The following NBAS variants were observed in gnomAD, a reference collection of about 807,000 sequenced individuals.
The protein encoded by NBAS is NBAS subunit of NRZ tethering complex.
In NBAS, 219 loss-of-function variants were observed where a neutral mutation model predicts 302.5. That is an observed-to-expected ratio of 0.72 (90% confidence interval 0.65 to 0.81). The LOEUF is 0.81. Ranked by LOEUF, NBAS falls within the 30% of genes least tolerant of loss-of-function variation. The pLI, the probability that NBAS is intolerant of heterozygous loss-of-function variation, is 0.00. For synonymous variants in NBAS, 1,118 were observed against 1,021.6 expected (o/e 1.09, Z -1.80); for missense variants, 2,932 against 2,841.6 (o/e 1.03, Z -0.72).
chr2:14,941,137 C>T, the NBAS span, among the ~76,000 whole-genome samples: 1 of 152,188 alleles, frequency 6.6e-6, no homozygotes, highest in Non-Finnish European at 1.5e-5. Context: ...TCTGACAAAA[C>T]TTCCATTCAT....
intron 9 of NBAS, among the ~76,000 whole-genome samples, chr2:15,521,975 T>C (rs1307344061): frequency 6.6e-6 from 1 of 152,172 alleles, no homozygotes; most frequent in Non-Finnish European, 1.5e-5. Context: ...ACAGGAAGTG[T>C]GCTGACCGTT....
the NBAS span, among the ~76,000 whole-genome samples, chr2:15,047,553 T>TAA: frequency 6.6e-6 from 1 of 151,650 alleles, no homozygotes; most frequent in Non-Finnish European, 1.5e-5. Flanking sequence ...CCCATGCAGG[T>TAA]AAAGGCTGGG....
At chr2:15,525,524 G>A (rs772967851) in intron 9 of NBAS, among the ~76,000 whole-genome samples, 6 of 152,068 alleles carry the variant, frequency 3.9e-5, no homozygotes, top group East Asian at 1.9e-4. Context: ...AGAACCAACC[G>A]TAGTAGTGGT....
chr2:15,488,992 C>G lies in NBAS; in HGVS notation c.985G>C (p.Asp329His), dbSNP rs1680748170. Residue 329 changes from aspartate (D) to histidine (H), a missense_variant, in exon 12 of 52, where the codon GAT becomes CAT. Coordinates refer to ENST00000281513, the MANE Select transcript of NBAS (RefSeq NM_015909.4). ...DGIFKMSLSP[D>H]GMLLAAIHFS... ...TGAATGGCTGCCAGGAGCATCCCATCTGGAGAAAGGCTCATCTTAAAAATT... is the reference window on the plus strand; with the variant it reads ...TGAATGGCTGCCAGGAGCATCCCATGTGGAGAAAGGCTCATCTTAAAAATT... 6.2e-7 allele frequency: 1 copy of G among 1,613,644 alleles called. No individual in the cohort carries two copies. The highest frequency in any genetic ancestry group is 1.7e-5 in the Admixed American group (1 of 60,000).
the NBAS span, among the ~76,000 whole-genome samples, chr2:15,006,427 A>G: frequency 6.6e-6 from 1 of 152,210 alleles, no homozygotes; most frequent in Non-Finnish European, 1.5e-5. Context: ...TATTTAAGGC[A>G]TTATTATAAA....
At chr2:15,307,241 G>A (rs771426643) in intron 40 of NBAS, among the ~76,000 whole-genome samples, 12 of 152,310 alleles carry the variant, frequency 7.9e-5, no homozygotes, top group East Asian at 1.9e-4. Context: ...AATCTAAAAC[G>A]GGCTTTCCTA....
intron 28 of NBAS, among the ~76,000 whole-genome samples, chr2:15,389,919 A>G (rs547783669): frequency 6.6e-6 from 1 of 152,318 alleles, no homozygotes; most frequent in East Asian, 1.9e-4. Context: ...CAATCTAAGC[A>G]GAGACTTCTG....
intron 39 of NBAS, among the ~76,000 whole-genome samples, chr2:15,308,825 A>C (rs746267288): frequency 1.1e-4 from 17 of 152,146 alleles, no homozygotes; most frequent in Admixed American, 2.6e-4. Context: ...TTATTTTGAG[A>C]TACGTCTCAT....
At chr2:14,939,636 C>T in the NBAS span, among the ~76,000 whole-genome samples, 1 of 152,204 alleles carries the variant, frequency 6.6e-6, no homozygotes, top group African/African-American at 2.4e-5. Context: ...GCCTCCACTT[C>T]CCAATCTGCA....
At chr2:15,522,602 G>C (rs947516047) in intron 9 of NBAS, among the ~76,000 whole-genome samples, 1 of 152,156 alleles carries the variant, frequency 6.6e-6, no homozygotes, top group East Asian at 1.9e-4. Context: ...GTCTGGATAA[G>C]GCTGCCTATA....
the NBAS span, among the ~76,000 whole-genome samples, chr2:14,995,970 G>A: frequency 6.6e-6 from 1 of 151,356 alleles, no homozygotes; most frequent in African/African-American, 2.4e-5. Context: ...AGTACACACA[G>A]CTCTGTCTTA....
At chr2:15,217,872 AC>A (rs963218880) in intron 48 of NBAS, among the ~76,000 whole-genome samples, 4 of 152,232 alleles carry the variant, frequency 2.6e-5, no homozygotes, top group African/African-American at 9.6e-5. Context: ...GAAAAACAAA[AC>A]TTTTAACAGT....
intron 42 of NBAS, among the ~76,000 whole-genome samples, chr2:15,281,799 T>C (rs996405711): frequency 6.6e-6 from 1 of 152,196 alleles, no homozygotes; most frequent in Non-Finnish European, 1.5e-5. Context: ...CCTGTTTATG[T>C]TTTGTGCCAC....
At chr2:14,859,895 A>C in the NBAS span, among the ~76,000 whole-genome samples, 1 of 152,112 alleles carries the variant, frequency 6.6e-6, no homozygotes. Context: ...TAAAGACATA[A>C]CCCACAGAAT....
chr2:15,424,527 T>G, intron 22 of NBAS, 59 bp from the exon 23 acceptor site: 1 of 1,586,076 alleles, frequency 6.3e-7, no homozygotes. Flanking sequence ...AACATATAAT[T>G]TTGTGAGAGA....
chr2:15,461,108 A>T, intron 21 of NBAS, 93 bp downstream of exon 21: 1 of 1,187,014 alleles, frequency 8.4e-7, no homozygotes, highest in Non-Finnish European at 1.2e-6. Flanking sequence ...ATATTACATT[A>T]AAATTATTTT....
At chr2:15,219,726 A>G (rs1157548022) in intron 47 of NBAS, among the ~76,000 whole-genome samples, 1 of 137,722 alleles carries the variant, frequency 7.3e-6, no homozygotes, top group East Asian at 2.2e-4. Flanking sequence ...GTCTACTTCT[A>G]TCCACACAGA....
At chr2:15,475,269 T>A (rs1284662566) in intron 14 of NBAS, among the ~76,000 whole-genome samples, 1 of 152,332 alleles carries the variant, frequency 6.6e-6, no homozygotes, top group Admixed American at 6.5e-5. Flanking sequence ...AAGATAACTT[T>A]ACAGAACTAG....
At chr2:15,048,530 G>A in the NBAS span, among the ~76,000 whole-genome samples, 21 of 152,302 alleles carry the variant, frequency 1.4e-4, no homozygotes, top group African/African-American at 4.8e-4. Flanking sequence ...TTCTTCTCAC[G>A]CTGAGAACCA....
Sources: allele counts gnomAD v4.1 joint callset (sites outside exome capture counted in the v4.1 genomes callset), GRCh38; gene constraint gnomAD v4.1.1; transcripts MANE v1.5; gene names NCBI Gene and HGNC (gene_info 2026-07-23, HGNC 2026-07-21).